FRMPD4: variants seen among roughly 807,000 people sequenced by gnomAD.
The protein encoded by FRMPD4 is FERM and PDZ domain-containing protein 4.
FRMPD4 carries 22 observed loss-of-function variants against 94.1 expected under a neutral mutation model. That is an observed-to-expected ratio of 0.23 (90% CI 0.17 to 0.33). The LOEUF is 0.33. FRMPD4 is among the 10% of genes least tolerant of loss of function. The pLI is 1.00. For synonymous variants in FRMPD4, 631 were observed against 548.6 expected, an observed-to-expected ratio of 1.15 and a Z score of -2.10; for missense variants, 1,111 against 1,339.9, an observed-to-expected ratio of 0.83 and a Z score of 2.67.
At chrX:12,548,152 G>T (rs1696065398) in intron 2 of FRMPD4, among the ~76,000 whole-genome samples, 1 of 111,759 alleles carries the variant, frequency 8.9e-6, no homozygotes, top group African/African-American at 3.2e-5. Context: ...TTGCCCCATG[G>T]GCTGTACTCC....
At position 11,882,045 on chromosome X, in the gene FRMPD4, TTGTC is replaced by T. The variant is rs748902174; in HGVS notation, c.95+4029_95+4032del. Among the ~76,000 whole-genome samples the T allele has an allele frequency of 2.7e-4, 30 of 111,651 alleles. No homozygotes were observed. In the South Asian group the frequency reaches 0.011, roughly 42 times the overall value. On this transcript the variant is annotated intron_variant, in intron 3 of 18. Coordinates refer to the FRMPD4 transcript ENST00000640291. ...CAGTTGCTTTTGGCCAAGCACAGTC[TTGTC>T]TACCCTCAACCATTTTCTATGTGTG... is the stretch of plus-strand genomic sequence containing the variant.
chrX:11,851,007 G>C (rs2053618471), intron 1 of FRMPD4, among the ~76,000 whole-genome samples: 1 of 111,554 alleles, frequency 9.0e-6, no homozygotes, highest in Non-Finnish European at 1.9e-5. Flanking sequence ...ACAACCAAGT[G>C]AGCCTCCTCT....
intron 3 of FRMPD4, among the ~76,000 whole-genome samples, chrX:12,086,944 G>A (rs1601928732): frequency 2.7e-5 from 3 of 111,366 alleles, no homozygotes; most frequent in Non-Finnish European, 3.8e-5. Flanking sequence ...CTTGCTGGCT[G>A]TCAGCTTGAG....
intron 1 of FRMPD4, among the ~76,000 whole-genome samples, chrX:12,391,033 A>G (rs542707896): frequency 4.4e-5 from 5 of 112,375 alleles, no homozygotes; most frequent in African/African-American, 1.6e-4. Flanking sequence ...AAGATGTACA[A>G]TCCAAACCCC....
At chrX:11,847,473 G>A (rs2053584672) in intron 1 of FRMPD4, among the ~76,000 whole-genome samples, 1 of 107,731 alleles carries the variant, frequency 9.3e-6, no homozygotes, top group Non-Finnish European at 1.9e-5. Context: ...AGTCAGTGTG[G>A]CGATTCCTCA....
intron 2 of FRMPD4, among the ~76,000 whole-genome samples, chrX:11,872,944 A>G (rs1601815883): frequency 1.8e-5 from 2 of 112,430 alleles, no homozygotes; most frequent in African/African-American, 6.5e-5. Context: ...GAAATTTAAT[A>G]TGGTGTAGCC....
chrX:12,697,161 G>A (rs898479171), intron 9 of FRMPD4, among the ~76,000 whole-genome samples: 7 of 112,246 alleles, frequency 6.2e-5, no homozygotes, highest in African/African-American at 1.9e-4. Flanking sequence ...TTTCCACCCC[G>A]AACAACGAAA....
chrX:12,450,926 A>C (rs1423812994), intron 1 of FRMPD4, among the ~76,000 whole-genome samples: 1 of 107,681 alleles, frequency 9.3e-6, no homozygotes, highest in Non-Finnish European at 1.9e-5. Flanking sequence ...AGAGTACATT[A>C]AGCCAGTGGC....
intron 1 of FRMPD4, among the ~76,000 whole-genome samples, chrX:12,437,491 C>T (rs753819835): frequency 9.1e-5 from 10 of 110,230 alleles, no homozygotes; most frequent in Non-Finnish European, 1.5e-4. Flanking sequence ...ATAGTCCTAA[C>T]TCCTGCTGTG....
At chrX:12,245,126 CT>C (rs1322404527) in intron 1 of FRMPD4, among the ~76,000 whole-genome samples, 1 of 112,227 alleles carries the variant, frequency 8.9e-6, no homozygotes, top group Admixed American at 9.4e-5. Flanking sequence ...TATTTGCGTT[CT>C]TTCCCAAACC....
chrX:12,383,445 C>T (rs925345449), intron 1 of FRMPD4, among the ~76,000 whole-genome samples: 2 of 111,380 alleles, frequency 1.8e-5, no homozygotes, highest in African/African-American at 6.5e-5. Flanking sequence ...GGACCCCTCC[C>T]ATCAGAGAAA....
At chrX:12,480,458 T>G (rs1317320574) in intron 1 of FRMPD4, among the ~76,000 whole-genome samples, 1 of 110,899 alleles carries the variant, frequency 9.0e-6, no homozygotes, top group African/African-American at 3.3e-5. Context: ...ATGTGGAATA[T>G]AAATAGTAAT....
chrX:12,582,402 C>T (rs2058875982), intron 2 of FRMPD4, among the ~76,000 whole-genome samples: 1 of 112,172 alleles, frequency 8.9e-6, no homozygotes, highest in African/African-American at 3.2e-5. Context: ...TCAGAATGTG[C>T]TTCACATCCT....
At chrX:12,695,432 C>G (rs2060118937) in intron 9 of FRMPD4, among the ~76,000 whole-genome samples, 1 of 110,949 alleles carries the variant, frequency 9.0e-6, no homozygotes, top group Admixed American at 9.6e-5. Context: ...GAGACGGAAT[C>G]TTGCTCTTGT....
chrX:12,611,386 GC>G (rs1451152403), intron 3 of FRMPD4, among the ~76,000 whole-genome samples: 1 of 111,491 alleles, frequency 9.0e-6, no homozygotes, highest in Non-Finnish European at 1.9e-5. Context: ...TCCTACCTCT[GC>G]CCCTTTTTAG....
chrX:12,082,645 G>T (rs537834641), intron 3 of FRMPD4, among the ~76,000 whole-genome samples: 2 of 111,602 alleles, frequency 1.8e-5, no homozygotes, highest in African/African-American at 6.5e-5. Flanking sequence ...AGGAAAATGT[G>T]GAAAAGTTTG....
At chrX:12,350,122 A>T in intron 1 of FRMPD4, among the ~76,000 whole-genome samples, 1 of 111,596 alleles carries the variant, frequency 9.0e-6, no homozygotes. Flanking sequence ...GGTAACTACT[A>T]GAAGACCAAA....
intron 11 of FRMPD4, among the ~76,000 whole-genome samples, chrX:12,705,002 CT>C (rs991586373): frequency 9.0e-6 from 1 of 111,595 alleles, no homozygotes. Context: ...AGCGGCACCC[CT>C]GGTCTCTACC....
chrX:12,157,833 T>C (rs1300494150), intron 1 of FRMPD4, among the ~76,000 whole-genome samples: 1 of 112,801 alleles, frequency 8.9e-6, no homozygotes, highest in African/African-American at 3.2e-5. Context: ...GCAAAGAATC[T>C]TCTCTTGCAT....
Sources: gnomAD v4.1 joint callset for allele counts (sites outside exome capture counted in the v4.1 genomes callset) on GRCh38, gnomAD v4.1.1 for gene constraint, MANE v1.5 for transcripts, NCBI Gene and HGNC (gene_info 2026-07-23, HGNC 2026-07-21) for gene names.